VTA1: variants seen among roughly 807,000 people sequenced by gnomAD.
VTA1 encodes the protein vesicle trafficking 1.
VTA1 carries 24 observed loss-of-function variants against 36.9 expected under a neutral mutation model. That is an observed-to-expected ratio of 0.65 (90% CI 0.47 to 0.91). The LOEUF (loss-of-function observed/expected upper bound fraction) is 0.91, where lower values mean the gene tolerates loss of function less well. Ranked by LOEUF, VTA1 falls within the 40% of genes least tolerant of loss-of-function variation. The probability of loss-of-function intolerance (pLI) is 0.00; values close to 1 mark genes in which losing one functional copy is unlikely to be tolerated. For synonymous variants in VTA1, 142 were observed against 130.2 expected (o/e 1.09, Z -0.62); for missense variants, 393 against 377.2 (o/e 1.04, Z -0.35).
intron 4 of VTA1, among the ~76,000 whole-genome samples, chr6:142,181,609 A>G (rs1300964236): frequency 1.3e-5 from 2 of 150,200 alleles, no homozygotes; most frequent in Non-Finnish European, 3.0e-5. Flanking sequence ...TGAAAACTAT[A>G]TTTTTTTTTC....
At chr6:142,167,010 T>A (rs1022169929) in intron 2 of VTA1, among the ~76,000 whole-genome samples, 1 of 152,202 alleles carries the variant, frequency 6.6e-6, no homozygotes, top group African/African-American at 2.4e-5. Flanking sequence ...AATGAAATAA[T>A]GGGCTGTGTA....
chr6:142,185,717 A>C (rs1416952083), intron 4 of VTA1, among the ~76,000 whole-genome samples: 1 of 152,214 alleles, frequency 6.6e-6, no homozygotes, highest in Non-Finnish European at 1.5e-5. Flanking sequence ...GGCCTAAAAC[A>C]CTGGAAATTT....
At chr6:142,154,981 ACAG>A (rs1778636725) in intron 1 of VTA1, among the ~76,000 whole-genome samples, 1 of 152,100 alleles carries the variant, frequency 6.6e-6, no homozygotes, top group East Asian at 1.9e-4. Context: ...AATCATTGAT[ACAG>A]CAGAACTTTG....
At chr6:142,212,464 G>T (rs999635493) in intron 7 of VTA1, among the ~76,000 whole-genome samples, 2 of 152,092 alleles carry the variant, frequency 1.3e-5, no homozygotes, top group Non-Finnish European at 2.9e-5. Context: ...TCCGAAAAAG[G>T]CAAACTATAG....
intron 1 of VTA1, among the ~76,000 whole-genome samples, chr6:142,165,983 T>G (rs79122125): frequency 1.3e-5 from 2 of 149,838 alleles, no homozygotes; most frequent in Admixed American, 1.3e-4. Context: ...TAGTCCTCTT[T>G]TTTTTTTTTT....
At chr6:142,175,893 A>G (rs976518232) in intron 4 of VTA1, among the ~76,000 whole-genome samples, 1 of 150,920 alleles carries the variant, frequency 6.6e-6, no homozygotes, top group Non-Finnish European at 1.5e-5. Flanking sequence ...CCACTATTCT[A>G]TTTCTCAGTT....
At chr6:142,186,572 G>A (rs1390896958) in intron 4 of VTA1, among the ~76,000 whole-genome samples, 1 of 151,998 alleles carries the variant, frequency 6.6e-6, no homozygotes, top group African/African-American at 2.4e-5. Flanking sequence ...GGGAGTGGGG[G>A]GAGAGGCAAA....
chr6:142,208,930 A>G (rs1220085073), intron 7 of VTA1, among the ~76,000 whole-genome samples: 1 of 152,210 alleles, frequency 6.6e-6, no homozygotes, highest in Non-Finnish European at 1.5e-5. Flanking sequence ...GCAGAAGAAA[A>G]CATTTCAAGG....
rs1207276319 is a variant in VTA1 at position 142,223,192 on chromosome 6, CT to C, written c.*4551del. 1 of 152,168 alleles carries C rather than the reference CT, an allele frequency of 6.6e-6. No homozygotes were observed. Among genetic ancestry groups the C allele is most frequent in the East Asian group, 1.9e-4 (1 of 5,188 alleles). 9.4% of individuals were successfully genotyped at this position (152,168 alleles called of 1,614,324 possible). On this transcript the variant is annotated 3_prime_UTR_variant, in exon 8 of 8. Transcript: ENST00000367630. ...CTAGGCAGTGAACACAGGGTATGAA[CT>C]TGAAAATCTGATTGCACCCTCAATA...
chr6:142,161,083 C>A lies in VTA1; in HGVS notation c.113-5145C>A, dbSNP rs910424120. The stretch of plus-strand genomic sequence containing the variant: ...TTCATTCATGCTTCCTTCCTTCCCC[C>A]CCCCCCCTTTTTTTGGGTCAAATAG... On this transcript the variant is annotated intron_variant, in intron 1 of 7. Transcript: ENST00000367630. Among the ~76,000 whole-genome samples, 2 of 140,682 alleles carry A rather than the reference C, an allele frequency of 1.4e-5. 1 individual carries two copies. Among genetic ancestry groups the A allele is most frequent in the African/African-American group, 5.3e-5 (2 of 37,428 alleles). The allele number at this position is 140,682 out of a possible 152,430, so 92.3% of individuals were successfully genotyped here.
At chr6:142,181,092 A>T (rs372224657) in intron 4 of VTA1, among the ~76,000 whole-genome samples, 1,109 of 41,300 alleles carry the variant, frequency 0.027, 4 homozygotes, top group South Asian at 0.066. Flanking sequence ...AAAAAAAAAA[A>T]AAATATATAT....
intron 3 of VTA1, among the ~76,000 whole-genome samples, 163 bp from the exon 4 acceptor site, chr6:142,170,183 T>G (rs1175244270): frequency 6.6e-6 from 1 of 152,218 alleles, no homozygotes; most frequent in African/African-American, 2.4e-5. Flanking sequence ...AGTAACAGAT[T>G]AGAAAACCAT....
chr6:142,157,621 A>G (rs916924469), intron 1 of VTA1, among the ~76,000 whole-genome samples: 5 of 152,178 alleles, frequency 3.3e-5, no homozygotes, highest in Admixed American at 1.3e-4. Context: ...CTTTTTTGGC[A>G]TTCATACAGG....
At chr6:142,192,722 G>C (rs1775478563) in intron 5 of VTA1, among the ~76,000 whole-genome samples, 1 of 150,336 alleles carries the variant, frequency 6.7e-6, no homozygotes, top group Non-Finnish European at 1.5e-5. Context: ...GTGTGTGTGT[G>C]TGTGTGTAAA....
chr6:142,155,735 C>T (rs1447752773), intron 1 of VTA1, among the ~76,000 whole-genome samples: 1 of 152,164 alleles, frequency 6.6e-6, no homozygotes, highest in Non-Finnish European at 1.5e-5. Context: ...CTTCTCTTCC[C>T]CACCACACTC....
intron 7 of VTA1, among the ~76,000 whole-genome samples, chr6:142,213,979 A>G (rs1232068933): frequency 1.3e-5 from 2 of 151,824 alleles, no homozygotes; most frequent in African/African-American, 4.8e-5. Context: ...ATAGACTTGA[A>G]TTTTGCCCCA....
chr6:142,212,867 C>A (rs1775930386), intron 7 of VTA1, among the ~76,000 whole-genome samples: 1 of 152,164 alleles, frequency 6.6e-6, no homozygotes, highest in South Asian at 2.1e-4. Context: ...CCCCCATGAT[C>A]CAGTTACCTC....
At chr6:142,211,780 A>G (rs1412080474) in intron 7 of VTA1, among the ~76,000 whole-genome samples, 1 of 152,152 alleles carries the variant, frequency 6.6e-6, no homozygotes, top group African/African-American at 2.4e-5. Flanking sequence ...GGCTTATCTG[A>G]TTAAGGACTG....
intron 5 of VTA1, among the ~76,000 whole-genome samples, chr6:142,198,119 ATG>A (rs71021658): frequency 0.045 from 4,426 of 98,118 alleles, 97 homozygotes; most frequent in African/African-American, 0.072. Context: ...ATATATATAT[ATG>A]TGTGTGTGTG....
Sources: allele counts gnomAD v4.1 joint callset (sites outside exome capture counted in the v4.1 genomes callset), GRCh38; gene constraint gnomAD v4.1.1; transcripts MANE v1.5; gene names NCBI Gene and HGNC (gene_info 2026-07-23, HGNC 2026-07-21).